PCDHGA9: variants seen among roughly 807,000 people sequenced by gnomAD.
PCDHGA9 encodes protocadherin gamma-A9.
PCDHGA9 carries 37 observed loss-of-function variants against 62.5 expected under a neutral mutation model. The ratio of observed to expected loss-of-function variants is 0.59; its 90% confidence interval spans 0.46 to 0.78. The LOEUF (loss-of-function observed/expected upper bound fraction) is 0.78. Among genes scored for constraint, PCDHGA9 ranks in the 30% least tolerant of loss-of-function variants. PCDHGA9 has a pLI of 0.00. For missense variants in PCDHGA9, 1,138 were observed against 1,166.2 expected, an observed-to-expected ratio of 0.98 and a Z score of 0.35; for synonymous variants, 459 against 484.6, an observed-to-expected ratio of 0.95 and a Z score of 0.69.
chr5:141,458,059 T>G (rs533147047), intron 1 of PCDHGA9, among the ~76,000 whole-genome samples: 39 of 152,358 alleles, frequency 2.6e-4, no homozygotes, highest in African/African-American at 8.9e-4. Context: ...CTTGCTGCAC[T>G]GATGCGAACA....
At chr5:141,425,110 C>T (rs1335909720) in intron 1 of PCDHGA9, among the ~76,000 whole-genome samples, 1 of 152,166 alleles carries the variant, frequency 6.6e-6, no homozygotes, top group East Asian at 1.9e-4. Context: ...CAGATGCCTA[C>T]ATTTTTCTTG....
chr5:141,453,926 T>C (rs1274875429), intron 1 of PCDHGA9, among the ~76,000 whole-genome samples: 1 of 152,256 alleles, frequency 6.6e-6, no homozygotes, highest in Non-Finnish European at 1.5e-5. Flanking sequence ...GATCAGTCAC[T>C]GTGTGCCTAT....
At chr5:141,438,985 A>G (rs1461265086) in intron 1 of PCDHGA9, among the ~76,000 whole-genome samples, 1 of 151,940 alleles carries the variant, frequency 6.6e-6, no homozygotes, top group Non-Finnish European at 1.5e-5. Context: ...ACTTATCTTA[A>G]AAGGCTAAGG....
At position 141,487,276 on chromosome 5, in the gene PCDHGA9, C is replaced by G; in HGVS notation, c.2425-7531C>G. On this transcript the variant is annotated intron_variant, in intron 1 of 3. Coordinates refer to ENST00000573521, the MANE Select transcript of PCDHGA9 (RefSeq NM_018921.3). The surrounding 1 kb of genome is among the most constrained non-coding windows in gnomAD (Gnocchi z 5.0). ...TGGCTGTGTCCCTAGTGGCAATTTG[C>G]TTTGTCTCCTTTGGCTCATTCGTGG... 1 of 1,614,158 alleles carries G rather than the reference C, an allele frequency of 6.2e-7. No homozygotes were observed. The highest frequency in any genetic ancestry group is 1.1e-5 in the South Asian group (1 of 91,082).
Position 141,418,146 on chromosome 5 carries a change from G to A in PCDHGA9, c.2424+12770G>A, listed in dbSNP as rs755513829. The A allele has an allele frequency of 1.1e-5, 18 of 1,613,970 alleles. No homozygotes were observed. In the South Asian group the frequency reaches 1.6e-4, roughly 15 times the overall value. ...GACCGAATAGACCGTGAGCAAATAT[G>A]CAAAGAGAGAAGAAGATGTGAGTTG... is the stretch of plus-strand genomic sequence containing the variant. On this transcript the variant is annotated intron_variant, in intron 1 of 3. Transcript: ENST00000573521.
intron 1 of PCDHGA9, among the ~76,000 whole-genome samples, chr5:141,405,668 G>A (rs1468042334): frequency 6.6e-6 from 1 of 152,100 alleles, no homozygotes; most frequent in Non-Finnish European, 1.5e-5. Context: ...AGTAGAGACG[G>A]GGTGTCACCA....
intron 1 of PCDHGA9, chr5:141,409,843 C>G: frequency 6.2e-7 from 1 of 1,611,804 alleles, no homozygotes; most frequent in Non-Finnish European, 8.5e-7. Context: ...CCAACGTGAG[C>G]CTGCGCGTGT....
At chr5:141,413,931 A>T (rs776911095) in intron 1 of PCDHGA9, 1 of 1,613,254 alleles carries the variant, frequency 6.2e-7, no homozygotes, top group Non-Finnish European at 8.5e-7. Flanking sequence ...CAGAATACCG[A>T]GTGAGTGTTC....
chr5:141,423,226 G>A lies in PCDHGA9; in HGVS notation c.2424+17850G>A, dbSNP rs775936938. On this transcript the variant is annotated intron_variant, in intron 1 of 3. Coordinates refer to ENST00000573521, the MANE Select transcript of PCDHGA9 (RefSeq NM_018921.3). The stretch of plus-strand genomic sequence containing the variant: ...CGTCACGCTCACCGTGGCTGTGGCC[G>A]ACAGCATCCCCGAAGTCCTGGCGGA... The A allele has an allele frequency of 2.2e-5, 36 of 1,613,708 alleles. No homozygotes were observed. The highest frequency in any genetic ancestry group is 2.6e-5 in the Non-Finnish European group (31 of 1,180,034).
chr5:141,426,717 G>A (rs974405285), intron 1 of PCDHGA9: 1 of 446,052 alleles, frequency 2.2e-6, no homozygotes, highest in African/African-American at 2.0e-5. Flanking sequence ...CAATGAACTA[G>A]CAATTCCAGG....
At chr5:141,427,889 G>C in intron 1 of PCDHGA9, 1 of 1,566,516 alleles carries the variant, frequency 6.4e-7, no homozygotes, top group South Asian at 1.1e-5. Flanking sequence ...CCCACGACCA[G>C]GGCTCGCCCG....
rs1251686604 is a variant in PCDHGA9 at position 141,485,257 on chromosome 5, T to C, written c.2425-9550T>C. ...TCTTTTACCACCTGGGTTACGTTTG[T>C]GGGCAGATCCGCTACCCGGTCCCAG... is the stretch of plus-strand genomic sequence containing the variant. On this transcript the variant is annotated intron_variant, in intron 1 of 3. Coordinates refer to ENST00000573521, the MANE Select transcript of PCDHGA9 (RefSeq NM_018921.3). This position sits in a 1 kb window ranked among gnomAD's most constrained non-coding sequence, Gnocchi z 5.7. The C allele has an allele frequency of 6.2e-7, 1 of 1,614,154 alleles. No homozygotes were observed.
At position 141,511,319 on chromosome 5, in the gene PCDHGA9, C is replaced by T. The variant is rs2099883711; in HGVS notation, c.*146C>T. On this transcript the variant is annotated 3_prime_UTR_variant, in exon 4 of 4. Coordinates refer to ENST00000573521, the MANE Select transcript of PCDHGA9 (RefSeq NM_018921.3). ...CCATGCTCCCCTTGGGAAACAGAAA[C>T]AAGTGCCCAGTCAGCACCTACCCCT... 1.4e-6 allele frequency: 2 copies of T among 1,477,302 alleles called. No homozygotes were observed. The highest frequency in any genetic ancestry group is 1.4e-5 in the African/African-American group (1 of 70,920). 91.5% of individuals were successfully genotyped at this position (1,477,302 alleles called of 1,614,324 possible).
chr5:141,497,824 T>G (rs1164705269), intron 2 of PCDHGA9, among the ~76,000 whole-genome samples: 1 of 152,086 alleles, frequency 6.6e-6, no homozygotes, highest in African/African-American at 2.4e-5. Flanking sequence ...ACAGGTGTGA[T>G]CGCCCCCGGC....
rs1378140695 is a variant in PCDHGA9, at chr5:141,485,189, A to G, written c.2425-9618A>G. On this transcript the variant is annotated intron_variant, in intron 1 of 3. Transcript: ENST00000573521. The surrounding 1 kb of genome is among the most constrained non-coding windows in gnomAD (Gnocchi z 5.7). ...GGCGGCAGCAATGCTCCGCAAGGTGAGAAGCTGGACAGAAATCTGGCGGTG... is the reference window on the plus strand; with the variant it reads ...GGCGGCAGCAATGCTCCGCAAGGTGGGAAGCTGGACAGAAATCTGGCGGTG... 1 of 1,613,726 alleles carries G rather than the reference A, an allele frequency of 6.2e-7. No homozygotes were observed. The highest frequency in any genetic ancestry group is 1.7e-5 in the Admixed American group (1 of 60,020).
chr5:141,408,061 G>C, intron 1 of PCDHGA9: 1 of 1,332,898 alleles, frequency 7.5e-7, no homozygotes, highest in Non-Finnish European at 1.0e-6. Flanking sequence ...CCTCCCGGCT[G>C]CGCAGACCTT....
At position 141,486,827 on chromosome 5, in the gene PCDHGA9, C is replaced by G. The variant is rs758132181; in HGVS notation, c.2425-7980C>G. 1.2e-6 allele frequency: 2 copies of G among 1,614,228 alleles called. No homozygotes were observed. Among genetic ancestry groups the G allele is most frequent in the Admixed American group, 1.7e-5 (1 of 60,034 alleles). On this transcript the variant is annotated intron_variant, in intron 1 of 3. Transcript: ENST00000573521. This position sits in a 1 kb window ranked among gnomAD's most constrained non-coding sequence, Gnocchi z 5.0. ...ACCCCTTAGCAGCACTGTAACAGTTCGTCTATTTGTGCTGGACCTCAATGA... is the reference window on the plus strand; with the variant it reads ...ACCCCTTAGCAGCACTGTAACAGTTGGTCTATTTGTGCTGGACCTCAATGA...
At chr5:141,417,740 C>A (rs2096156298) in intron 1 of PCDHGA9, 3 of 1,413,210 alleles carry the variant, frequency 2.1e-6, no homozygotes, top group East Asian at 2.5e-5. Flanking sequence ...CCCAGCACAC[C>A]AGATTGCCAG....
intron 1 of PCDHGA9, among the ~76,000 whole-genome samples, chr5:141,462,069 C>T (rs555164288): frequency 4.3e-4 from 65 of 151,850 alleles, no homozygotes; most frequent in Non-Finnish European, 7.5e-4. Context: ...GTGATCTGCC[C>T]GCCTTGGCCT....
Sources: allele counts gnomAD v4.1 joint callset (sites outside exome capture counted in the v4.1 genomes callset), GRCh38; gene constraint gnomAD v4.1.1; non-coding constraint Gnocchi (gnomAD v3.1); transcripts MANE v1.5; gene names NCBI Gene and HGNC (gene_info 2026-07-23, HGNC 2026-07-21).